The following ZNF197 variants were observed in gnomAD, a reference collection of about 807,000 sequenced individuals.
The protein encoded by ZNF197 is zinc finger protein 197.
A neutral mutation model predicts 27.4 loss-of-function variants in ZNF197; 14 were observed. The observed-to-expected ratio is 0.51, with a 90% confidence interval of 0.34 to 0.80. The LOEUF (loss-of-function observed/expected upper bound fraction) is 0.80, where lower values mean the gene tolerates loss of function less well. Ranked by LOEUF, ZNF197 falls within the 30% of genes least tolerant of loss-of-function variation. The probability of loss-of-function intolerance (pLI) is 0.02; values close to 1 mark genes in which losing one functional copy is unlikely to be tolerated. For synonymous variants in ZNF197, 415 were observed against 420.0 expected (o/e 0.99, Z 0.15); for missense variants, 1,090 against 1,222.6 (o/e 0.89, Z 1.62).
chr3:44,646,532 C>A lies in ZNF197; in HGVS notation c.*2312C>A. On this transcript the variant is annotated 3_prime_UTR_variant, in exon 6 of 6. Coordinates refer to ENST00000344387, the MANE Select transcript of ZNF197 (RefSeq NM_006991.5). The stretch of plus-strand genomic sequence containing the variant: ...GAGGCAGAGGAACAAATAAAAGACA[C>A]CACGAGAAACAGACACATCCAGAAC... The A allele has an allele frequency of 7.2e-7, 1 of 1,383,662 alleles. No individual in the cohort carries two copies. Among genetic ancestry groups the A allele is most frequent in the Non-Finnish European group, 1.0e-6 (1 of 969,830 alleles). 85.7% of individuals were successfully genotyped at this position (1,383,662 alleles called of 1,614,324 possible). A position where few individuals can be genotyped will look rare whatever the true frequency, so the allele number is the denominator to read the frequency against.
At chr3:44,634,578 T>A (rs543706571) in intron 5 of ZNF197, among the ~76,000 whole-genome samples, 32 of 152,168 alleles carry the variant, frequency 2.1e-4, no homozygotes, top group South Asian at 2.1e-4. Flanking sequence ...GCCTCCCAAG[T>A]AGCTGGGACT....
At chr3:44,636,763 T>C (rs1308471727) in intron 5 of ZNF197, among the ~76,000 whole-genome samples, 1 of 152,230 alleles carries the variant, frequency 6.6e-6, no homozygotes, top group South Asian at 2.1e-4. Flanking sequence ...CTGTATTTAA[T>C]CATTTGAGGA....
chr3:44,628,277 G>T (rs972313944), intron 1 of ZNF197, among the ~76,000 whole-genome samples: 1 of 152,096 alleles, frequency 6.6e-6, no homozygotes, highest in Non-Finnish European at 1.5e-5. Context: ...TTTATAATTA[G>T]AAAAATGTTA....
chr3:44,630,967 A>G, intron 2 of ZNF197, 95 bp from the exon 3 acceptor site: 2 of 1,532,262 alleles, frequency 1.3e-6, no homozygotes, highest in Non-Finnish European at 1.8e-6. Flanking sequence ...CTGATCTCAC[A>G]GTTGTAGATT....
In ZNF197 at chr3:44,646,528, G is replaced by C; in HGVS notation, c.*2308G>C. The C allele has an allele frequency of 7.0e-7, 1 of 1,428,180 alleles. No homozygotes were observed. The highest frequency in any genetic ancestry group is 9.9e-7 in the Non-Finnish European group (1 of 1,010,484). 88.5% of individuals were successfully genotyped at this position (1,428,180 alleles called of 1,614,324 possible). On this transcript the variant is annotated 3_prime_UTR_variant, in exon 6 of 6. Transcript: ENST00000344387. ...ACAGGAGGCAGAGGAACAAATAAAA[G>C]ACACCACGAGAAACAGACACATCCA...
intron 5 of ZNF197, among the ~76,000 whole-genome samples, chr3:44,634,608 C>T (rs1194024992): frequency 6.6e-6 from 1 of 152,012 alleles, no homozygotes; most frequent in African/African-American, 2.4e-5. Context: ...CACCACCAGG[C>T]CCAGCTAATT....
rs778980630 is a variant in ZNF197 at position 44,628,967 on chromosome 3, C to T, written c.-81-107C>T. On this transcript the variant is annotated intron_variant, in intron 1 of 5. Coordinates refer to ENST00000344387, the MANE Select transcript of ZNF197 (RefSeq NM_006991.5). ...TCTAGAGCCTGGAACCTTGCACTCACAAAGGTTCTCTTTATTACTGGGAGC... is the reference window on the plus strand; with the variant it reads ...TCTAGAGCCTGGAACCTTGCACTCATAAAGGTTCTCTTTATTACTGGGAGC... The T allele has an allele frequency of 1.3e-4, 98 of 774,272 alleles. 2 individuals are homozygous for T. Among genetic ancestry groups the T allele is most frequent in the Non-Finnish European group, 2.4e-5 (12 of 505,528 alleles). 48.0% of individuals were successfully genotyped at this position (774,272 alleles called of 1,614,324 possible).
Position 44,643,080 on chromosome 3 carries a change from T to C in ZNF197, c.1950T>C (p.Tyr650=). 6.2e-7 allele frequency: 1 copy of C among 1,614,022 alleles called. No homozygotes were observed. The highest frequency in any genetic ancestry group is 1.1e-5 in the South Asian group (1 of 91,040). The change falls in exon 6 of 6, where the codon TAT becomes TAC. Residue 650 remains tyrosine, a synonymous_variant. Transcript: ENST00000344387. ...HQRLHNGEKP[Y]ECNECGKVFI... The stretch of plus-strand genomic sequence containing the variant: ...GACTCCACAATGGGGAGAAGCCCTA[T>C]GAATGTAATGAATGTGGGAAAGTTT...
chr3:44,627,138 AAGAT>A (rs1240703801), intron 1 of ZNF197, among the ~76,000 whole-genome samples: 19 of 152,234 alleles, frequency 1.2e-4, no homozygotes, highest in East Asian at 3.8e-4. Flanking sequence ...AATAACTGGA[AAGAT>A]AGATAAGAAG....
At position 44,640,678 on chromosome 3, in the gene ZNF197, TCTC is replaced by T. The variant is rs1340880525; in HGVS notation, c.770-1219_770-1217del. The stretch of plus-strand genomic sequence containing the variant: ...CAGGCATGAGCCACCATGCCCGGCC[TCTC>T]CTTATGTTTGAAACCTCACTGTGAA... On this transcript the variant is annotated intron_variant, in intron 5 of 5. Coordinates refer to ENST00000344387, the MANE Select transcript of ZNF197 (RefSeq NM_006991.5). The surrounding 1 kb of genome is among the most constrained non-coding windows in gnomAD (Gnocchi z 4.0). Among the ~76,000 whole-genome samples the T allele has an allele frequency of 1.3e-5, 2 of 152,154 alleles. No individual in the cohort carries two copies. The highest frequency in any genetic ancestry group is 4.8e-5 in the African/African-American group (2 of 41,438).
Position 44,646,530 on chromosome 3 carries a change from C to T in ZNF197, c.*2310C>T. ...AGGAGGCAGAGGAACAAATAAAAGA[C>T]ACCACGAGAAACAGACACATCCAGA... is the stretch of plus-strand genomic sequence containing the variant. On this transcript the variant is annotated 3_prime_UTR_variant, in exon 6 of 6. Coordinates refer to ENST00000344387, the MANE Select transcript of ZNF197 (RefSeq NM_006991.5). 1 of 1,425,426 alleles carries T rather than the reference C, an allele frequency of 7.0e-7. No homozygotes were observed. The allele number at this position is 1,425,426 out of a possible 1,614,324, so 88.3% of individuals were successfully genotyped here.
rs570580566 is a variant in ZNF197 at position 44,630,885 on chromosome 3, G to A, written c.391-177G>A. ...GTCACCAGTGCCATGAGTGGGGCTC[G>A]AGGGCAGCTCCATTGTTCTCAATGC... On this transcript the variant is annotated intron_variant, in intron 2 of 5. Coordinates refer to ENST00000344387, the MANE Select transcript of ZNF197 (RefSeq NM_006991.5). 3.5e-4 allele frequency: 301 copies of A among 855,866 alleles called. 1 individual carries two copies. Among genetic ancestry groups the A allele is most frequent in the Admixed American group, 4.5e-4 (23 of 50,898 alleles). The allele number at this position is 855,866 out of a possible 1,614,324, so 53.0% of individuals were successfully genotyped here. A position where few individuals can be genotyped will look rare whatever the true frequency, so the allele number is the denominator to read the frequency against.
chr3:44,641,841 T>C, intron 5 of ZNF197, 59 bp from the exon 6 acceptor site: 24 of 1,478,934 alleles, frequency 1.6e-5, no homozygotes, highest in Non-Finnish European at 2.0e-5. Flanking sequence ...CATTTGAAGA[T>C]CCTGTTCTTC....
rs201243844 is a variant in ZNF197, at chr3:44,643,598, G to A, written c.2468G>A (p.Cys823Tyr). Residue 823 changes from cysteine (C) to tyrosine (Y), a missense_variant, in exon 6 of 6, where the codon TGT becomes TAT. Cys to Tyr is a radical substitution (Grantham distance 194, BLOSUM62 -2). Coordinates refer to ENST00000344387, the MANE Select transcript of ZNF197 (RefSeq NM_006991.5). ...TREKSYKCND[C>Y]GKVFSYRSNL... ...GAAAAATCTTATAAATGCAATGACT[G>A]TGGGAAGGTCTTCAGTTACCGCTCA... 6.2e-7 allele frequency: 1 copy of A among 1,614,196 alleles called. No homozygotes were observed. Among genetic ancestry groups the A allele is most frequent in the Non-Finnish European group, 8.5e-7 (1 of 1,180,030 alleles).
rs1188496839 is a variant in ZNF197 at position 44,642,585 on chromosome 3, T to A, written c.1455T>A (p.Asn485Lys). ...CAGGGGAGAGACCTTATAAGTGTAA[T>A]GAATGTGGGAAAGTCTTCTCTCAGA... is the stretch of plus-strand genomic sequence containing the variant. ...RHSGERPYKC[N>K]ECGKVFSQNA... Residue 485 changes from asparagine to lysine, a missense_variant, in exon 6 of 6, where the codon AAT (asparagine) becomes AAA (lysine). Physicochemically the swap from Asn to Lys is moderately conservative, Grantham distance 94 (BLOSUM62 0). Transcript: ENST00000344387. 3 of 1,614,178 alleles carry A rather than the reference T, an allele frequency of 1.9e-6. No homozygotes were observed. Among genetic ancestry groups the A allele is most frequent in the East Asian group, 2.2e-5 (1 of 44,872 alleles).
Position 44,631,106 on chromosome 3 carries a change from G to T in ZNF197, c.435G>T (p.Val145=). The stretch of plus-strand genomic sequence containing the variant: ...ATCAGGACACTCTCCAGAAGGTGGT[G>T]AGTGCCCCAGGAACAACACTTCCTC... ...VKDQDTLQKV[V]SAPGTTLPPV... is the part of the protein sequence containing the mutation. Residue 145 remains valine (V), a synonymous_variant, in exon 3 of 6, where the codon GTG becomes GTT. Coordinates refer to ENST00000344387, the MANE Select transcript of ZNF197 (RefSeq NM_006991.5). 6.2e-7 allele frequency: 1 copy of T among 1,614,156 alleles called. No individual in the cohort carries two copies. Among genetic ancestry groups the T allele is most frequent in the Non-Finnish European group, 8.5e-7 (1 of 1,180,036 alleles).
chr3:44,629,639 A>ATTAATAGC (rs1701870499), intron 2 of ZNF197, 95 bp downstream of exon 2: 1 of 1,364,510 alleles, frequency 7.3e-7, no homozygotes, highest in Non-Finnish European at 9.7e-7. Context: ...TTCATTAAAA[A>ATTAATAGC]TTAATAGCAT....
In ZNF197 at chr3:44,645,449, G is replaced by A. The variant is rs1702902808; in HGVS notation, c.*1229G>A. 1 of 984,956 alleles carries A rather than the reference G, an allele frequency of 1.0e-6. No individual in the cohort carries two copies. The highest frequency in any genetic ancestry group is 5.2e-4 in the Middle Eastern group (1 of 1,912). The allele number at this position is 984,956 out of a possible 1,614,324, so 61.0% of individuals were successfully genotyped here. ...AAATTTACCTTTAAAAATATCTGAG[G>A]GAGTTACTAGATTATATATCTAGTT... On this transcript the variant is annotated 3_prime_UTR_variant, in exon 6 of 6. Transcript: ENST00000344387.
At position 44,644,410 on chromosome 3, in the gene ZNF197, G is replaced by A. The variant is rs1380117375; in HGVS notation, c.*190G>A. ...TCCCAGCACTTTGAGAGGCCGAAGC[G>A]AGTGGATCACCTGAGGTCAGGATTT... On this transcript the variant is annotated 3_prime_UTR_variant, in exon 6 of 6. Transcript: ENST00000344387. 1.8e-5 allele frequency: 24 copies of A among 1,302,664 alleles called. No individual in the cohort carries two copies. Among genetic ancestry groups the A allele is most frequent in the African/African-American group, 7.6e-5 (5 of 65,796 alleles). The allele number at this position is 1,302,664 out of a possible 1,614,324, so 80.7% of individuals were successfully genotyped here. A position where few individuals can be genotyped will look rare whatever the true frequency, so the allele number is the denominator to read the frequency against.
Sources: gnomAD v4.1 joint callset for allele counts (sites outside exome capture counted in the v4.1 genomes callset) on GRCh38, gnomAD v4.1.1 for gene constraint, Gnocchi (gnomAD v3.1) non-coding constraint, MANE v1.5 for transcripts, NCBI Gene and HGNC (gene_info 2026-07-23, HGNC 2026-07-21) for gene names.